SPATA16: variants seen among roughly 807,000 people sequenced by gnomAD.
SPATA16 encodes spermatogenesis associated 16.
A neutral mutation model predicts 63.3 loss-of-function variants in SPATA16; 36 were observed. The ratio of observed to expected loss-of-function variants is 0.57; its 90% confidence interval spans 0.44 to 0.75. SPATA16 has a LOEUF of 0.75. Ranked by LOEUF, SPATA16 falls within the 30% of genes least tolerant of loss-of-function variation. The pLI is 0.00. For missense variants in SPATA16, 646 were observed against 679.3 expected, an observed-to-expected ratio of 0.95 and a Z score of 0.54; for synonymous variants, 203 against 216.7, an observed-to-expected ratio of 0.94 and a Z score of 0.56.
At chr3:173,125,357 C>T (rs1699564265) in intron 1 of SPATA16, among the ~76,000 whole-genome samples, 1 of 152,196 alleles carries the variant, frequency 6.6e-6, no homozygotes, top group Non-Finnish European at 1.5e-5. Flanking sequence ...CACAGCAACC[C>T]AAGTCATCCT....
intron 8 of SPATA16, among the ~76,000 whole-genome samples, chr3:172,920,770 TTAAG>T (rs1732599155): frequency 6.6e-6 from 1 of 152,210 alleles, no homozygotes; most frequent in South Asian, 2.1e-4. Flanking sequence ...TTGGCATTGT[TTAAG>T]TATTGTTTAG....
At chr3:172,896,566 T>C (rs566462899) in intron 10 of SPATA16, among the ~76,000 whole-genome samples, 3 of 152,358 alleles carry the variant, frequency 2.0e-5, no homozygotes, top group African/African-American at 7.2e-5. Flanking sequence ...TACATCCCAT[T>C]AGTAATGTAT....
rs530006882 is a variant in SPATA16, at chr3:172,997,474, G to C, written c.849-20422C>G. On this transcript the variant is annotated intron_variant, in intron 4 of 10. Transcript: ENST00000351008. ...TAAAATTATATTTTTTTTTACTGCT[G>C]AGTTTTAAGAGTTCTTTGTATATTT... Among the ~76,000 whole-genome samples the C allele has an allele frequency of 2.0e-5, 3 of 152,036 alleles. No homozygotes were observed. The East Asian group carries it at 5.8e-4, about 29-fold the overall frequency.
intron 4 of SPATA16, among the ~76,000 whole-genome samples, chr3:172,979,693 T>A (rs1308809347): frequency 6.6e-6 from 1 of 152,198 alleles, no homozygotes; most frequent in African/African-American, 2.4e-5. Flanking sequence ...GTTTGCTACA[T>A]TCTTAAGTGT....
intron 1 of SPATA16, among the ~76,000 whole-genome samples, chr3:173,134,517 T>C: frequency 6.6e-6 from 1 of 152,004 alleles, no homozygotes; most frequent in Non-Finnish European, 1.5e-5. Flanking sequence ...TAAGCCATTG[T>C]AAAGCAAGGC....
intron 10 of SPATA16, among the ~76,000 whole-genome samples, chr3:172,900,033 C>T (rs1732094813): frequency 6.6e-6 from 1 of 151,854 alleles, no homozygotes; most frequent in Admixed American, 6.6e-5. Context: ...ACTGTGTTCT[C>T]TCAGCCTTTT....
intron 2 of SPATA16, among the ~76,000 whole-genome samples, chr3:173,060,401 G>A (rs1000744798): frequency 1.3e-5 from 2 of 151,942 alleles, no homozygotes; most frequent in South Asian, 4.2e-4. Flanking sequence ...TTAAATTAGG[G>A]AATTAGAGGA....
intron 2 of SPATA16, among the ~76,000 whole-genome samples, chr3:173,076,923 C>T (rs1050878359): frequency 6.6e-6 from 1 of 152,010 alleles, no homozygotes; most frequent in Non-Finnish European, 1.5e-5. Flanking sequence ...TCCTCAGAAC[C>T]TTTAGAGAGT....
intron 2 of SPATA16, among the ~76,000 whole-genome samples, chr3:173,110,244 C>T (rs896214523): frequency 6.6e-6 from 1 of 152,114 alleles, no homozygotes; most frequent in Non-Finnish European, 1.5e-5. Context: ...AAACAATGGG[C>T]TATCTCTAGA....
At chr3:173,124,851 G>A (rs1325809857) in intron 1 of SPATA16, among the ~76,000 whole-genome samples, 4 of 151,574 alleles carry the variant, frequency 2.6e-5, no homozygotes, top group Non-Finnish European at 5.9e-5. Context: ...AGCCCACATG[G>A]AGCCCCTTCT....
At chr3:173,022,643 T>G (rs1735359709) in intron 3 of SPATA16, among the ~76,000 whole-genome samples, 1 of 152,130 alleles carries the variant, frequency 6.6e-6, no homozygotes, top group African/African-American at 2.4e-5. Flanking sequence ...AATGATGATC[T>G]GTCTTTTGAA....
At chr3:173,001,558 A>G (rs1218669946) in intron 4 of SPATA16, among the ~76,000 whole-genome samples, 1 of 152,120 alleles carries the variant, frequency 6.6e-6, no homozygotes, top group African/African-American at 2.4e-5. Context: ...GTCACCTCTC[A>G]TTTGAATTTG....
rs79750922 is a variant in SPATA16 at position 172,953,971 on chromosome 3, T to C, written c.1081+2706A>G. ...GATAGGTAAAACATATAGACTCTTA[T>C]GTTTGCACACATCTGCTGTGTGACA... On this transcript the variant is annotated intron_variant, in intron 6 of 10. Transcript: ENST00000351008. Among the ~76,000 whole-genome samples, 1,217 of 152,340 alleles carry C rather than the reference T, an allele frequency of 8.0e-3. 16 individuals are homozygous for C. The highest frequency in any genetic ancestry group is 0.027 in the African/African-American group (1,128 of 41,570).
At chr3:172,910,040 A>T (rs1732332635) in intron 10 of SPATA16, among the ~76,000 whole-genome samples, 1 of 149,834 alleles carries the variant, frequency 6.7e-6, no homozygotes, top group Non-Finnish European at 1.5e-5. Flanking sequence ...TTTACTGTAC[A>T]AATGCAATTT....
chr3:173,089,954 A>G (rs11926230), intron 2 of SPATA16, among the ~76,000 whole-genome samples: 5,185 of 152,266 alleles, frequency 0.034, 282 homozygotes, highest in African/African-American at 0.12. Flanking sequence ...TCAACTGGAT[A>G]CTGTTTTCTA....
chr3:172,935,635 T>G lies in SPATA16; in HGVS notation c.1082-10143A>C, dbSNP rs1446544787. On this transcript the variant is annotated intron_variant, in intron 6 of 10. Coordinates refer to ENST00000351008, the MANE Select transcript of SPATA16 (RefSeq NM_031955.6). ...CTATTTGGTGCCTGTAGTACATAAG[T>G]ACACAGTCAATTATAATACAGCATG... 2.6e-5 allele frequency among the ~76,000 whole-genome samples: 4 copies of G among 152,300 alleles called. No homozygotes were observed. The East Asian group carries it at 7.7e-4, about 29-fold the overall frequency.
intron 2 of SPATA16, among the ~76,000 whole-genome samples, chr3:173,112,001 C>CT (rs1337488444): frequency 6.6e-6 from 1 of 152,088 alleles, no homozygotes; most frequent in Non-Finnish European, 1.5e-5. Context: ...CTCTCTGTTT[C>CT]TTTTTATCTT....
chr3:173,088,068 TTC>T (rs1382402547), intron 2 of SPATA16, among the ~76,000 whole-genome samples: 1 of 130,826 alleles, frequency 7.6e-6, no homozygotes, highest in African/African-American at 2.9e-5. Context: ...CTTTCTTTCT[TTC>T]TTTCTTTCTG....
intron 4 of SPATA16, among the ~76,000 whole-genome samples, chr3:172,984,299 A>C (rs16846365): frequency 0.036 from 5,475 of 152,242 alleles, 338 homozygotes; most frequent in African/African-American, 0.13. Flanking sequence ...CTACCATTAC[A>C]GTGCCTCCTA....
Sources: gnomAD v4.1 joint callset for allele counts (sites outside exome capture counted in the v4.1 genomes callset) on GRCh38, gnomAD v4.1.1 for gene constraint, MANE v1.5 for transcripts, NCBI Gene and HGNC (gene_info 2026-07-23, HGNC 2026-07-21) for gene names.